The following GRK2 variants were observed in gnomAD, a reference collection of about 807,000 sequenced individuals.
The protein encoded by GRK2 is adrenergic beta receptor kinase 1.
A neutral mutation model predicts 97.8 loss-of-function variants in GRK2; 23 were observed. That is an observed-to-expected ratio of 0.24 (90% CI 0.17 to 0.33). The LOEUF is 0.33. GRK2 is among the 10% of genes least tolerant of loss of function. The pLI, the probability that GRK2 is intolerant of heterozygous loss-of-function variation, is 1.00. For synonymous variants in GRK2, 425 were observed against 381.7 expected (o/e 1.11, Z -1.32); for missense variants, 633 against 956.9 (o/e 0.66, Z 4.47).
Position 67,279,586 on chromosome 11 carries a change from G to C in GRK2, c.367-40G>C, listed in dbSNP as rs764450673. 2.2e-5 allele frequency: 35 copies of C among 1,612,624 alleles called. No homozygotes were observed. In the Admixed American group the frequency reaches 5.3e-4, roughly 25 times the overall value. On this transcript the variant is annotated intron_variant, in intron 4 of 20. Transcript: ENST00000308595. ...CCTGCAGATTGGGAGGGGAAGAGAG[G>C]ACCCTGCTGAGAATTCATGGCCACC...
At chr11:67,275,533 G>A (rs1038759582) in intron 1 of GRK2, among the ~76,000 whole-genome samples, 3 of 150,262 alleles carry the variant, frequency 2.0e-5, no homozygotes, top group African/African-American at 4.9e-5. Context: ...TCCGCGTGGC[G>A]CCTCCAGTGG....
intron 1 of GRK2, among the ~76,000 whole-genome samples, 194 bp downstream of exon 1, chr11:67,267,006 G>A (rs1305527452): frequency 1.3e-5 from 2 of 151,912 alleles, no homozygotes; most frequent in African/African-American, 2.4e-5. Flanking sequence ...CAGACCCTGG[G>A]CGCCTGAGCC....
rs769130233 is a variant in GRK2 at position 67,279,713 on chromosome 11, C to T, written c.441+13C>T. ...GGATCTCTTCCAGGTGTGTGCCTCC[C>T]GGTCCCTCCCCAGGCAAGGTCACCT... On this transcript the variant is annotated intron_variant, in intron 5 of 20. Coordinates refer to ENST00000308595, the MANE Select transcript of GRK2 (RefSeq NM_001619.5). 34 of 1,613,536 alleles carry T rather than the reference C, an allele frequency of 2.1e-5. No homozygotes were observed. In the South Asian group the frequency reaches 2.2e-4, roughly 10 times the overall value.
rs765668445 is a variant in GRK2 at position 67,284,260 on chromosome 11, C to T, written c.1541C>T (p.Ser514Leu). 6 of 1,613,588 alleles carry T rather than the reference C, an allele frequency of 3.7e-6. No homozygotes were observed. The highest frequency in any genetic ancestry group is 1.1e-5 in the South Asian group (1 of 91,084). Residue 514 changes from serine (S) to leucine (L), a missense_variant, in exon 18 of 21, where the codon TCG (serine) becomes TTG (leucine). Ser to Leu is a moderately radical substitution (Grantham distance 145). This residue lies in a region of GRK2 where 180 missense variants were observed against 311.3 expected (regional missense o/e 0.58). Coordinates refer to ENST00000308595, the MANE Select transcript of GRK2 (RefSeq NM_001619.5). ...TACCGCAACTTCCCCCTCACCATCT[C>T]GGAGCGGTGGCAGCAGGAGGTGGCA... ...ELYRNFPLTI[S>L]ERWQQEVAET...
chr11:67,274,259 C>A (rs1859974944), intron 1 of GRK2, among the ~76,000 whole-genome samples: 1 of 151,950 alleles, frequency 6.6e-6, no homozygotes, highest in African/African-American at 2.4e-5. Context: ...GATTCGCCCG[C>A]CTCGGCCTCC....
At chr11:67,268,497 G>A (rs1859843005) in intron 1 of GRK2, among the ~76,000 whole-genome samples, 1 of 152,230 alleles carries the variant, frequency 6.6e-6, no homozygotes, top group Non-Finnish European at 1.5e-5. Flanking sequence ...GAGGAAACGG[G>A]GGAGTCAGCC....
At chr11:67,280,857 TG>T (rs1322267461) in intron 7 of GRK2, 74 bp downstream of exon 7, 1 of 1,557,400 alleles carries the variant, frequency 6.4e-7, no homozygotes, top group East Asian at 2.2e-5. Context: ...GCCTGTGGCT[TG>T]GCTGGGAGGG....
intron 19 of GRK2, 35 bp from the exon 20 acceptor site, chr11:67,285,040 G>A: frequency 6.2e-7 from 1 of 1,612,546 alleles, no homozygotes; most frequent in Non-Finnish European, 8.5e-7. Flanking sequence ...GGCCGGCCCG[G>A]CTCTTACCTG....
chr11:67,275,847 C>G (rs1369465669), intron 1 of GRK2, among the ~76,000 whole-genome samples: 2 of 152,254 alleles, frequency 1.3e-5, no homozygotes, highest in African/African-American at 4.8e-5. Context: ...CTCTCCTTCC[C>G]AAGGCTTCTG....
Position 67,285,454 on chromosome 11 carries a change from G to C in GRK2, c.*4G>C, listed in dbSNP as rs750883756. ...CGGCAGTGCCAACGGCCTCTGACCC[G>C]CCCACCCGCCTTTTATAAACCTCTA... On this transcript the variant is annotated 3_prime_UTR_variant, in exon 21 of 21. Transcript: ENST00000308595. 1 of 1,532,552 alleles carries C rather than the reference G, an allele frequency of 6.5e-7. No individual in the cohort carries two copies. Among genetic ancestry groups the C allele is most frequent in the African/African-American group, 1.4e-5 (1 of 71,704 alleles). 94.9% of individuals were successfully genotyped at this position (1,532,552 alleles called of 1,614,324 possible).
In GRK2 at chr11:67,266,709, C is replaced by T. The variant is rs1481485726; in HGVS notation, c.10C>T (p.Leu4=). 13 of 1,275,978 alleles carry T rather than the reference C, an allele frequency of 1.0e-5. No individual in the cohort carries two copies. The highest frequency in any genetic ancestry group is 1.2e-5 in the Non-Finnish European group (12 of 1,000,734). 79.0% of individuals were successfully genotyped at this position (1,275,978 alleles called of 1,614,324 possible). Residue 4 remains leucine (L), a synonymous_variant, in exon 1 of 21, where the codon CTG becomes TTG. Transcript: ENST00000308595. ...CAGCGCCGCCGCCAAGATGGCGGAC[C>T]TGGAGGCGGTGCTGGCCGACGTGAG... is the stretch of plus-strand genomic sequence containing the variant. MAD[L]EAVLADVSYL... is the part of the protein sequence containing the mutation.
At chr11:67,279,347 C>T in intron 3 of GRK2, 71 bp from the exon 4 acceptor site, 1 of 1,606,870 alleles carries the variant, frequency 6.2e-7, no homozygotes, top group Non-Finnish European at 8.5e-7. Flanking sequence ...GTGGAACCCA[C>T]AAGCTGCCTG....
rs999783059 is a variant in GRK2 at position 67,269,601 on chromosome 11, C to T, written c.113+2789C>T. ...TGGCTGGGATGGAGAACTGAGCTGC[C>T]GTGGCAAAGCTACTGCACCGAGGGG... On this transcript the variant is annotated intron_variant, in intron 1 of 20. Transcript: ENST00000308595. This position sits in a 1 kb window ranked among gnomAD's most constrained non-coding sequence, Gnocchi z 4.1. Among the ~76,000 whole-genome samples, 7 of 152,186 alleles carry T rather than the reference C, an allele frequency of 4.6e-5. No homozygotes were observed. The highest frequency in any genetic ancestry group is 2.6e-4 in the Admixed American group (4 of 15,278).
intron 2 of GRK2, among the ~76,000 whole-genome samples, chr11:67,278,037 T>C (rs1229893151): frequency 1.3e-5 from 2 of 152,250 alleles, no homozygotes; most frequent in Non-Finnish European, 1.5e-5. Flanking sequence ...GTCCCAGGCC[T>C]GTGCCTTTTG....
rs530352203 is a variant in GRK2 at position 67,283,441 on chromosome 11, G to T, written c.1328+213G>T. ...CCAGCTAGTAACTGGCTTCCAGAGG[G>T]GCCCTTGTCACAGATGATGATGATA... On this transcript the variant is annotated intron_variant, in intron 15 of 20. Transcript: ENST00000308595. The T allele has an allele frequency of 2.2e-4, 133 of 611,870 alleles. No individual in the cohort carries two copies. The African/African-American group carries it at 2.3e-3, about 11-fold the overall frequency. The allele number at this position is 611,870 out of a possible 1,614,324, so 37.9% of individuals were successfully genotyped here. A position where few individuals can be genotyped will look rare whatever the true frequency, so the allele number is the denominator to read the frequency against.
intron 5 of GRK2, 63 bp from the exon 6 acceptor site, chr11:67,279,776 G>A: frequency 6.2e-7 from 1 of 1,612,554 alleles, no homozygotes; most frequent in East Asian, 2.2e-5. Context: ...TCAGCCAGGG[G>A]TGGGGCCTGG....
At position 67,281,690 on chromosome 11, in the gene GRK2, C is replaced by T. The variant is rs543467610; in HGVS notation, c.788C>T (p.Thr263Met). The T allele has an allele frequency of 2.5e-6, 4 of 1,612,624 alleles. No homozygotes were observed. The highest frequency in any genetic ancestry group is 1.3e-5 in the African/African-American group (1 of 74,774). ...FIVCMSYAFHTPDKLSFILDL... is the reference protein window; with the variant it reads ...FIVCMSYAFHMPDKLSFILDL... ...GTCTGCATGTCATACGCGTTCCACACGCCAGACAAGCTCAGCTTCATCCTG... is the reference window on the plus strand; with the variant it reads ...GTCTGCATGTCATACGCGTTCCACATGCCAGACAAGCTCAGCTTCATCCTG... The change falls in exon 10 of 21, where the codon ACG (threonine) becomes ATG (methionine). Residue 263 changes from threonine to methionine, a missense_variant. Physicochemically the swap from Thr to Met is moderately conservative, Grantham distance 81 (BLOSUM62 -1). This residue lies in a region of GRK2 where 192 missense variants were observed against 362.3 expected (regional missense o/e 0.53). Coordinates refer to ENST00000308595, the MANE Select transcript of GRK2 (RefSeq NM_001619.5). This position sits in a 1 kb window ranked among gnomAD's most constrained non-coding sequence, Gnocchi z 5.7.
In GRK2 at chr11:67,279,714, G is replaced by A. The variant is rs774800418; in HGVS notation, c.441+14G>A. 8.1e-6 allele frequency: 13 copies of A among 1,613,600 alleles called. No homozygotes were observed. In the Middle Eastern group the frequency reaches 8.3e-4, roughly 102 times the overall value. On this transcript the variant is annotated intron_variant, in intron 5 of 20. Transcript: ENST00000308595. ...GATCTCTTCCAGGTGTGTGCCTCCCGGTCCCTCCCCAGGCAAGGTCACCTT... is the reference window on the plus strand; with the variant it reads ...GATCTCTTCCAGGTGTGTGCCTCCCAGTCCCTCCCCAGGCAAGGTCACCTT...
At position 67,285,605 on chromosome 11, in the gene GRK2, G is replaced by C. The variant is rs942125607; in HGVS notation, c.*155G>C. On this transcript the variant is annotated 3_prime_UTR_variant, in exon 21 of 21. Coordinates refer to ENST00000308595, the MANE Select transcript of GRK2 (RefSeq NM_001619.5). Reference sequence around the variant, plus strand: ...CCCCCGGGAGGGGCCCGCTTGCCTCGGCTCCTGCTGCACCAACCCAGCCGC... The same window carrying C: ...CCCCCGGGAGGGGCCCGCTTGCCTCCGCTCCTGCTGCACCAACCCAGCCGC... 1.7e-5 allele frequency: 17 copies of C among 996,364 alleles called. No individual in the cohort carries two copies. Among genetic ancestry groups the C allele is most frequent in the Non-Finnish European group, 2.4e-5 (17 of 710,674 alleles). The allele number at this position is 996,364 out of a possible 1,614,324, so 61.7% of individuals were successfully genotyped here. A position where few individuals can be genotyped will look rare whatever the true frequency, so the allele number is the denominator to read the frequency against.
Sources: allele counts gnomAD v4.1 joint callset (sites outside exome capture counted in the v4.1 genomes callset), GRCh38; gene constraint gnomAD v4.1.1; regional missense constraint gnomAD v4.1.1; non-coding constraint Gnocchi (gnomAD v3.1); transcripts MANE v1.5; gene names NCBI Gene and HGNC (gene_info 2026-07-23, HGNC 2026-07-21).